The following AGBL4 variants were observed in gnomAD, a reference collection of about 807,000 sequenced individuals.
AGBL4 encodes cytosolic carboxypeptidase 6.
In AGBL4, 58 loss-of-function variants were observed where a neutral mutation model predicts 66.4. The ratio of observed to expected loss-of-function variants is 0.87; its 90% CI spans 0.71 to 1.09. The LOEUF is 1.09. AGBL4 is among the 50% of genes least tolerant of loss of function. The pLI, the probability that AGBL4 is intolerant of heterozygous loss-of-function variation, is 0.00. For missense variants in AGBL4, 579 were observed against 631.0 expected (o/e 0.92, Z 0.88); for synonymous variants, 234 against 222.9 (o/e 1.05, Z -0.44).
intron 8 of AGBL4, among the ~76,000 whole-genome samples, chr1:48,640,411 T>A (rs565410352): frequency 2.0e-5 from 3 of 152,328 alleles, no homozygotes; most frequent in South Asian, 4.1e-4. Flanking sequence ...ATTGGATGAA[T>A]GAATGAGTGA....
chr1:49,808,728 T>C (rs1287761303), intron 2 of AGBL4, among the ~76,000 whole-genome samples: 1 of 152,172 alleles, frequency 6.6e-6, no homozygotes, highest in African/African-American at 2.4e-5. Flanking sequence ...AAAAATGCCC[T>C]GTTCCTAACA....
At chr1:48,561,571 T>C (rs1452652472) in intron 11 of AGBL4, among the ~76,000 whole-genome samples, 1 of 152,214 alleles carries the variant, frequency 6.6e-6, no homozygotes, top group African/African-American at 2.4e-5. Flanking sequence ...TGTGAGGATA[T>C]TTCTGGGTGA....
chr1:49,572,040 T>C (rs1245277655), intron 3 of AGBL4, among the ~76,000 whole-genome samples: 1 of 152,160 alleles, frequency 6.6e-6, no homozygotes, highest in Admixed American at 6.6e-5. Flanking sequence ...TTTTATGCTG[T>C]GTCCTTGTTT....
chr1:49,123,217 C>G lies in AGBL4; in HGVS notation c.378-77417G>C, dbSNP rs541901223. ...ATAGTATCGTATTATTTGATCTTTA[C>G]AATATCCATTTGAGGCTATTATTAC... is the stretch of plus-strand genomic sequence containing the variant. On this transcript the variant is annotated intron_variant, in intron 4 of 13. Coordinates refer to ENST00000371839, the MANE Select transcript of AGBL4 (RefSeq NM_032785.4). Among the ~76,000 whole-genome samples, 9 of 152,232 alleles carry G rather than the reference C, an allele frequency of 5.9e-5. No individual in the cohort carries two copies. In the South Asian group the frequency reaches 1.9e-3, roughly 32 times the overall value.
intron 6 of AGBL4, among the ~76,000 whole-genome samples, chr1:48,789,546 C>G (rs1645495411): frequency 6.6e-6 from 1 of 152,086 alleles, no homozygotes; most frequent in South Asian, 2.1e-4. Flanking sequence ...ACCTTGGCCT[C>G]CCAAAGTGCT....
chr1:49,467,517 C>T (rs1487678519), intron 3 of AGBL4, among the ~76,000 whole-genome samples: 1 of 151,756 alleles, frequency 6.6e-6, no homozygotes, highest in African/African-American at 2.4e-5. Context: ...ACACTATGTG[C>T]ATCTATACAA....
chr1:49,821,603 T>C (rs1036766561), intron 2 of AGBL4, among the ~76,000 whole-genome samples: 13 of 152,324 alleles, frequency 8.5e-5, no homozygotes, highest in Non-Finnish European at 1.8e-4. Flanking sequence ...GTTATTTCCA[T>C]AAATACTCAT....
At chr1:49,870,816 T>C (rs1557530639) in intron 1 of AGBL4, among the ~76,000 whole-genome samples, 3 of 151,816 alleles carry the variant, frequency 2.0e-5, no homozygotes, top group African/African-American at 7.3e-5. Flanking sequence ...ATGGTTATTA[T>C]AAAAAAAATT....
intron 9 of AGBL4, among the ~76,000 whole-genome samples, chr1:48,607,365 C>G (rs1569982421): frequency 6.6e-6 from 1 of 152,062 alleles, no homozygotes; most frequent in African/African-American, 2.4e-5. Context: ...CTCCTGTAAT[C>G]CCAGCACTTT....
intron 3 of AGBL4, among the ~76,000 whole-genome samples, chr1:49,402,569 CT>C (rs111878788): frequency 1.9e-3 from 262 of 137,732 alleles, no homozygotes; most frequent in East Asian, 9.8e-3. Context: ...TTTTGAATGC[CT>C]TTTTTTTTTT....
intron 9 of AGBL4, among the ~76,000 whole-genome samples, chr1:48,620,537 A>G (rs1645394883): frequency 6.6e-6 from 1 of 152,210 alleles, no homozygotes; most frequent in South Asian, 2.1e-4. Flanking sequence ...TGCTGGGATT[A>G]TAGGCAAGAG....
At chr1:48,718,314 AACAGGCTGGGCT>A (rs942558521) in intron 6 of AGBL4, among the ~76,000 whole-genome samples, 1 of 152,222 alleles carries the variant, frequency 6.6e-6, no homozygotes, top group African/African-American at 2.4e-5. Context: ...GGAGGGCAGC[AACAGGCTGGGCT>A]ACACAGTGTT....
Position 49,305,638 on chromosome 1 carries a change from T to C in AGBL4, c.283-59774A>G, listed in dbSNP as rs542305218. Among the ~76,000 whole-genome samples, 6 of 152,286 alleles carry C rather than the reference T, an allele frequency of 3.9e-5. No individual in the cohort carries two copies. The South Asian group carries it at 1.2e-3, about 32-fold the overall frequency. On this transcript the variant is annotated intron_variant, in intron 3 of 13. Coordinates refer to ENST00000371839, the MANE Select transcript of AGBL4 (RefSeq NM_032785.4). The stretch of plus-strand genomic sequence containing the variant: ...AATAATATGATCAACAGTTACCTGA[T>C]TGTGTAGTTGATATTTTTTATTACT...
chr1:49,062,334 GT>G (rs1289100420), intron 4 of AGBL4, among the ~76,000 whole-genome samples: 2 of 152,014 alleles, frequency 1.3e-5, no homozygotes, highest in Non-Finnish European at 2.9e-5. Context: ...TCCTTACCCT[GT>G]CTCAGCCCAT....
intron 3 of AGBL4, among the ~76,000 whole-genome samples, chr1:49,260,872 C>T (rs1275412509): frequency 6.6e-6 from 1 of 151,028 alleles, no homozygotes; most frequent in Non-Finnish European, 1.5e-5. Flanking sequence ...GAATTTTAGA[C>T]CAATATCCTT....
chr1:48,539,507 G>A (rs924633849), intron 12 of AGBL4, 135 bp downstream of exon 12: 14 of 619,194 alleles, frequency 2.3e-5, no homozygotes, highest in African/African-American at 1.3e-4. Context: ...ATAAAATCTC[G>A]GTGGCAGGGC....
At chr1:48,942,319 G>T (rs898083449) in intron 5 of AGBL4, among the ~76,000 whole-genome samples, 21 of 151,874 alleles carry the variant, frequency 1.4e-4, no homozygotes, top group Admixed American at 1.3e-3. Context: ...GTGGGGGGGG[G>T]GGGTTGTGGT....
At chr1:49,157,830 G>A (rs1034875204) in intron 4 of AGBL4, among the ~76,000 whole-genome samples, 1 of 152,174 alleles carries the variant, frequency 6.6e-6, no homozygotes, top group Non-Finnish European at 1.5e-5. Context: ...CTAATGACCA[G>A]TGATGATGAG....
At chr1:49,009,812 T>C (rs1322910828) in intron 5 of AGBL4, among the ~76,000 whole-genome samples, 1 of 152,098 alleles carries the variant, frequency 6.6e-6, no homozygotes, top group Admixed American at 6.5e-5. Context: ...GAAAAGGCCT[T>C]TGACAAAATT....
Sources: gnomAD v4.1 joint callset for allele counts (sites outside exome capture counted in the v4.1 genomes callset) on GRCh38, gnomAD v4.1.1 for gene constraint, MANE v1.5 for transcripts, NCBI Gene and HGNC (gene_info 2026-07-23, HGNC 2026-07-21) for gene names.